The following MAGI1 variants were observed in gnomAD, a reference collection of about 807,000 sequenced individuals.
The protein encoded by MAGI1 is membrane-associated guanylate kinase, WW and PDZ domain-containing protein 1.
Under a neutral mutation model 139.9 loss-of-function variants are expected in MAGI1, and 58 were observed. The ratio of observed to expected loss-of-function variants is 0.41; its 90% confidence interval spans 0.34 to 0.52. The LOEUF is 0.52. MAGI1 is among the 20% of genes least tolerant of loss of function. The pLI, the probability that MAGI1 is intolerant of heterozygous loss-of-function variation, is 0.12. For synonymous variants in MAGI1, 812 were observed against 737.9 expected (o/e 1.10, Z -1.63); for missense variants, 1,874 against 1,901.6 (o/e 0.99, Z 0.27).
At chr3:65,735,617 T>G (rs565304568) in intron 1 of MAGI1, among the ~76,000 whole-genome samples, 2 of 152,198 alleles carry the variant, frequency 1.3e-5, no homozygotes, top group African/African-American at 4.8e-5. Context: ...TGAATGATCC[T>G]TGAGCTAGTA....
chr3:65,826,200 C>T (rs771808497), intron 1 of MAGI1, among the ~76,000 whole-genome samples: 1 of 152,012 alleles, frequency 6.6e-6, no homozygotes, highest in Non-Finnish European at 1.5e-5. Flanking sequence ...ATTCTGTTTG[C>T]TTAATTTTAC....
In MAGI1 at chr3:65,356,882, T is replaced by C; in HGVS notation, c.3885A>G (p.Arg1295=). 1 of 1,614,084 alleles carries C rather than the reference T, an allele frequency of 6.2e-7. No individual in the cohort carries two copies. Among genetic ancestry groups the C allele is most frequent in the African/African-American group, 1.3e-5 (1 of 75,040 alleles). The part of the protein sequence containing the change: ...TSRKPDSGAC[R]PKDRAPEGRR... The stretch of plus-strand genomic sequence containing the variant: ...GTCCCTCCGGCGCCCGGTCCTTGGG[T>C]CGGCATGCCCCGCTGTCGGGTTTCC... Residue 1295 remains arginine (R), a synonymous_variant, in exon 23 of 23, where the codon CGA becomes CGG. Coordinates refer to ENST00000402939, the MANE Select transcript of MAGI1 (RefSeq NM_001033057.2).
At chr3:65,765,405 C>T (rs144528123) in intron 1 of MAGI1, among the ~76,000 whole-genome samples, 40 of 152,306 alleles carry the variant, frequency 2.6e-4, no homozygotes, top group East Asian at 1.9e-3. Context: ...CAATGTTCCA[C>T]TGCTTATTAA....
intron 1 of MAGI1, among the ~76,000 whole-genome samples, chr3:65,643,187 T>A (rs1431078204): frequency 6.6e-6 from 1 of 152,166 alleles, no homozygotes; most frequent in Admixed American, 6.6e-5. Flanking sequence ...CACTTTTCCC[T>A]TCCATTAGTG....
At chr3:65,895,401 G>A (rs2060927591) in intron 1 of MAGI1, among the ~76,000 whole-genome samples, 1 of 152,206 alleles carries the variant, frequency 6.6e-6, no homozygotes, top group Admixed American at 6.5e-5. Context: ...GCTGGTCTGA[G>A]TTTGTGTGAC....
At chr3:65,888,897 T>A (rs765595038) in intron 1 of MAGI1, among the ~76,000 whole-genome samples, 1 of 152,076 alleles carries the variant, frequency 6.6e-6, no homozygotes, top group African/African-American at 2.4e-5. Flanking sequence ...GCTAAAAAAA[T>A]GTGAGTAAAA....
At chr3:65,667,464 C>T (rs987406183) in intron 1 of MAGI1, among the ~76,000 whole-genome samples, 1 of 152,178 alleles carries the variant, frequency 6.6e-6, no homozygotes, top group African/African-American at 2.4e-5. Flanking sequence ...GTGTTTTGCA[C>T]AGACTGGGGA....
intron 1 of MAGI1, among the ~76,000 whole-genome samples, chr3:65,759,809 G>T (rs1231990981): frequency 6.6e-6 from 1 of 152,136 alleles, no homozygotes; most frequent in African/African-American, 2.4e-5. Flanking sequence ...ATTTAAAGAG[G>T]TAGTGAAGAG....
intron 1 of MAGI1, among the ~76,000 whole-genome samples, chr3:65,899,648 C>T (rs1449971299): frequency 6.6e-6 from 1 of 152,206 alleles, no homozygotes; most frequent in Non-Finnish European, 1.5e-5. Context: ...GACCTATTCT[C>T]ATGTTTTATG....
intron 1 of MAGI1, among the ~76,000 whole-genome samples, chr3:65,804,273 TAAA>T (rs10600844): frequency 1.4e-4 from 18 of 126,454 alleles, no homozygotes; most frequent in Admixed American, 2.4e-4. Context: ...GATGGCTTAG[TAAA>T]AAAAAAAAAA....
intron 1 of MAGI1, among the ~76,000 whole-genome samples, chr3:65,717,851 G>C (rs1450041624): frequency 3.3e-5 from 5 of 152,122 alleles, no homozygotes; most frequent in African/African-American, 1.2e-4. Flanking sequence ...TTGGTCATCT[G>C]CCCTCCCCTA....
chr3:65,936,000 C>A (rs1336248168), intron 1 of MAGI1, among the ~76,000 whole-genome samples: 1 of 152,308 alleles, frequency 6.6e-6, no homozygotes, highest in African/African-American at 2.4e-5. Flanking sequence ...GGCCAACTCA[C>A]AAAATGATGA....
intron 1 of MAGI1, among the ~76,000 whole-genome samples, chr3:65,977,473 G>A (rs555366560): frequency 1.3e-5 from 2 of 152,254 alleles, no homozygotes; most frequent in East Asian, 1.9e-4. Context: ...CACTTTGGGA[G>A]GCCAAGGCAG....
chr3:65,590,465 A>G (rs768361096), intron 2 of MAGI1, among the ~76,000 whole-genome samples: 21 of 152,314 alleles, frequency 1.4e-4, no homozygotes, highest in Non-Finnish European at 2.9e-4. Flanking sequence ...GCTCTTAACT[A>G]TCTTGGTTGT....
chr3:65,583,245 T>C (rs1347472707), intron 2 of MAGI1, among the ~76,000 whole-genome samples: 1 of 152,162 alleles, frequency 6.6e-6, no homozygotes, highest in Non-Finnish European at 1.5e-5. Flanking sequence ...CAAGTTGTTA[T>C]TGCTGCTCTT....
At chr3:65,736,949 C>CTT (rs2034791736) in intron 1 of MAGI1, among the ~76,000 whole-genome samples, 1 of 152,196 alleles carries the variant, frequency 6.6e-6, no homozygotes. Context: ...CCACAAACAC[C>CTT]TTTGTGCCCA....
At chr3:65,948,488 T>C (rs567213085) in intron 1 of MAGI1, among the ~76,000 whole-genome samples, 48 of 152,344 alleles carry the variant, frequency 3.2e-4, no homozygotes, top group African/African-American at 8.4e-4. Context: ...GTAGAGCTTA[T>C]GGTAACTTTT....
At chr3:66,011,670 T>C (rs2067326439) in intron 1 of MAGI1, among the ~76,000 whole-genome samples, 1 of 152,060 alleles carries the variant, frequency 6.6e-6, no homozygotes, top group African/African-American at 2.4e-5. Context: ...ATGTCAGAGC[T>C]TCCTGCAGGT....
chr3:65,433,223 G>A (rs1354839839), intron 10 of MAGI1, among the ~76,000 whole-genome samples: 3 of 152,110 alleles, frequency 2.0e-5, no homozygotes, highest in Admixed American at 2.0e-4. Context: ...TATTTATCAT[G>A]TCTTTGAGAA....
Sources: gnomAD v4.1 joint callset for allele counts (sites outside exome capture counted in the v4.1 genomes callset) on GRCh38, gnomAD v4.1.1 for gene constraint, MANE v1.5 for transcripts, NCBI Gene and HGNC (gene_info 2026-07-23, HGNC 2026-07-21) for gene names.